The following SDK1 variants were observed in gnomAD, a reference collection of about 807,000 sequenced individuals.
SDK1 encodes sidekick cell adhesion molecule 1.
In SDK1, 157 loss-of-function variants were observed where a neutral mutation model predicts 245.5. That is an observed-to-expected ratio of 0.64 (90% confidence interval 0.56 to 0.73). The LOEUF is 0.73. Among genes scored for constraint, SDK1 ranks in the 30% least tolerant of loss-of-function variants. The pLI is 0.00. For missense variants in SDK1, 3,583 were observed against 3,002.3 expected (o/e 1.19, Z -4.52); for synonymous variants, 1,647 against 1,278.5 (o/e 1.29, Z -6.15).
intron 22 of SDK1, among the ~76,000 whole-genome samples, chr7:4,100,017 C>A (rs1429142238): frequency 6.6e-6 from 1 of 152,162 alleles, no homozygotes; most frequent in African/African-American, 2.4e-5. Flanking sequence ...GAACGTAGGC[C>A]CAGCCAGGCC....
intron 35 of SDK1, among the ~76,000 whole-genome samples, chr7:4,184,107 G>A (rs544999923): frequency 4.6e-5 from 7 of 152,358 alleles, no homozygotes; most frequent in African/African-American, 1.4e-4. Flanking sequence ...CTAATCTGCT[G>A]AGGAGAGGCA....
chr7:3,797,239 T>A (rs1778982696), intron 4 of SDK1, among the ~76,000 whole-genome samples: 1 of 152,120 alleles, frequency 6.6e-6, no homozygotes, highest in Non-Finnish European at 1.5e-5. Context: ...TGCCTCGGCC[T>A]CCCAAAGTGC....
chr7:3,824,811 T>G (rs189492780), intron 5 of SDK1, among the ~76,000 whole-genome samples: 1,846 of 152,330 alleles, frequency 0.012, 17 homozygotes, highest in Non-Finnish European at 0.021. Context: ...CTGTTAGAAC[T>G]GAGATGCAGT....
chr7:3,523,322 G>T (rs989026855), intron 1 of SDK1, among the ~76,000 whole-genome samples: 13 of 152,188 alleles, frequency 8.5e-5, no homozygotes, highest in African/African-American at 3.1e-4. Context: ...GCATCCTAGA[G>T]ATACAGTCTG....
chr7:3,845,683 G>C (rs1208524924), intron 5 of SDK1, among the ~76,000 whole-genome samples: 2 of 149,164 alleles, frequency 1.3e-5, no homozygotes, highest in Admixed American at 6.6e-5. Flanking sequence ...TTCTCTCCAC[G>C]TGCTTCTCCT....
rs1234258032 is a variant in SDK1, at chr7:4,217,163, C to T, written c.5540-2946C>T. On this transcript the variant is annotated intron_variant, in intron 38 of 44. Transcript: ENST00000404826. The stretch of plus-strand genomic sequence containing the variant: ...AGGCCACCCGGAGCACCACACCACC[C>T]GGAGCACCACACCCCCCGGAGCACC... Among the ~76,000 whole-genome samples the T allele has an allele frequency of 3.5e-5, 4 of 115,766 alleles. 1 individual carries two copies. Among genetic ancestry groups the T allele is most frequent in the Non-Finnish European group, 7.2e-5 (4 of 55,398 alleles). The allele number at this position is 115,766 out of a possible 152,430, so 75.9% of individuals were successfully genotyped here. A position where few individuals can be genotyped will look rare whatever the true frequency, so the allele number is the denominator to read the frequency against.
chr7:3,926,790 C>T (rs1779787329), intron 5 of SDK1, among the ~76,000 whole-genome samples: 1 of 152,242 alleles, frequency 6.6e-6, no homozygotes, highest in South Asian at 2.1e-4. Context: ...CATCTGCAGA[C>T]CTGGCTTTGT....
chr7:3,680,201 T>C (rs1784057817), intron 4 of SDK1, among the ~76,000 whole-genome samples: 1 of 152,152 alleles, frequency 6.6e-6, no homozygotes, highest in Non-Finnish European at 1.5e-5. Context: ...CTCAAAAGGC[T>C]TTAGACTGTG....
At chr7:3,785,346 T>G (rs2115016815) in intron 4 of SDK1, among the ~76,000 whole-genome samples, 1 of 152,258 alleles carries the variant, frequency 6.6e-6, no homozygotes, top group South Asian at 2.1e-4. Context: ...ATTTTAAAAG[T>G]TCTCACCATA....
intron 5 of SDK1, among the ~76,000 whole-genome samples, 194 bp from the exon 6 acceptor site, chr7:3,950,729 C>T (rs918712823): frequency 1.3e-5 from 2 of 152,146 alleles, no homozygotes; most frequent in African/African-American, 4.8e-5. Flanking sequence ...ATGTGTATGG[C>T]TTTTGCACCA....
chr7:3,317,134 C>G lies in SDK1; in HGVS notation c.298+15250C>G, dbSNP rs529946996. On this transcript the variant is annotated intron_variant, in intron 1 of 44. Coordinates refer to ENST00000404826, the MANE Select transcript of SDK1 (RefSeq NM_152744.4). ...AGGTCAAGTCTGCAGTGAGCCATGACCGCACCACTGCATTCCAACCTGGGC... is the reference window on the plus strand; with the variant it reads ...AGGTCAAGTCTGCAGTGAGCCATGAGCGCACCACTGCATTCCAACCTGGGC... Among the ~76,000 whole-genome samples, 66 of 136,460 alleles carry G rather than the reference C, an allele frequency of 4.8e-4. 1 individual carries two copies. Among genetic ancestry groups the G allele is most frequent in the African/African-American group, 1.8e-3 (64 of 35,134 alleles). 89.5% of individuals were successfully genotyped at this position (136,460 alleles called of 152,430 possible).
chr7:3,755,255 T>G (rs1779887106), intron 4 of SDK1, among the ~76,000 whole-genome samples: 1 of 152,056 alleles, frequency 6.6e-6, no homozygotes, highest in Admixed American at 6.6e-5. Flanking sequence ...GGGAGCGTAT[T>G]TGGCTTCCTC....
chr7:3,644,719 G>C lies in SDK1; in HGVS notation c.713+2614G>C, dbSNP rs566158615. 3.6e-5 allele frequency among the ~76,000 whole-genome samples: 5 copies of C among 138,068 alleles called. No individual in the cohort carries two copies. The South Asian group carries it at 1.2e-3, about 33-fold the overall frequency. 90.6% of individuals were successfully genotyped at this position (138,068 alleles called of 152,430 possible). A position where few individuals can be genotyped will look rare whatever the true frequency, so the allele number is the denominator to read the frequency against. ...GGCCAGAAGTTGGAGGTTGCAGTGA[G>C]CTACGATGGTGCCACTGTACTCCAG... is the stretch of plus-strand genomic sequence containing the variant. On this transcript the variant is annotated intron_variant, in intron 4 of 44. Coordinates refer to ENST00000404826, the MANE Select transcript of SDK1 (RefSeq NM_152744.4).
intron 8 of SDK1, among the ~76,000 whole-genome samples, chr7:3,961,216 T>C (rs1781655202): frequency 6.6e-6 from 1 of 152,244 alleles, no homozygotes; most frequent in South Asian, 2.1e-4. Flanking sequence ...TTATTCCTTA[T>C]GAAAGTGACA....
chr7:3,628,945 G>A (rs1244231898), intron 2 of SDK1, among the ~76,000 whole-genome samples: 3 of 152,028 alleles, frequency 2.0e-5, no homozygotes, highest in Non-Finnish European at 2.9e-5. Flanking sequence ...GAAGAGAGCT[G>A]AGAGTTTGGA....
At chr7:3,435,057 A>G (rs1779978230) in intron 1 of SDK1, among the ~76,000 whole-genome samples, 1 of 152,182 alleles carries the variant, frequency 6.6e-6, no homozygotes, top group South Asian at 2.1e-4. Context: ...AAAGTACCAA[A>G]TTATGTAATT....
intron 1 of SDK1, among the ~76,000 whole-genome samples, chr7:3,519,251 A>G (rs1163114289): frequency 1.3e-5 from 2 of 152,180 alleles, no homozygotes; most frequent in East Asian, 1.9e-4. Flanking sequence ...ATCATTAACA[A>G]TGATTATGGT....
chr7:3,536,777 A>G (rs1778902157), intron 1 of SDK1, among the ~76,000 whole-genome samples: 1 of 152,136 alleles, frequency 6.6e-6, no homozygotes, highest in African/African-American at 2.4e-5. Context: ...CAATACTTGT[A>G]TTCGTTGGAA....
intron 1 of SDK1, among the ~76,000 whole-genome samples, chr7:3,448,070 G>C (rs965263661): frequency 1.3e-5 from 2 of 152,136 alleles, no homozygotes; most frequent in African/African-American, 4.8e-5. Context: ...TAATGGGACT[G>C]ACAGTTCAAG....
Sources: gnomAD v4.1 joint callset for allele counts (sites outside exome capture counted in the v4.1 genomes callset) on GRCh38, gnomAD v4.1.1 for gene constraint, MANE v1.5 for transcripts, NCBI Gene and HGNC (gene_info 2026-07-23, HGNC 2026-07-21) for gene names.